RABGAP1: variants seen among roughly 807,000 people sequenced by gnomAD.
The protein encoded by RABGAP1 is RAB GTPase activating protein 1, also known as rab GTPase-activating protein 1.
Under a neutral mutation model 137.6 loss-of-function variants are expected in RABGAP1, and 23 were observed. The ratio of observed to expected loss-of-function variants is 0.17; its 90% CI spans 0.12 to 0.24. The LOEUF is 0.24. Among genes scored for constraint, RABGAP1 ranks in the 10% least tolerant of loss-of-function variants. The probability of loss-of-function intolerance (pLI) is 1.00; values close to 1 mark genes in which losing one functional copy is unlikely to be tolerated. For synonymous variants in RABGAP1, 451 were observed against 450.7 expected (o/e 1.00, Z -0.01); for missense variants, 906 against 1,275.8 (o/e 0.71, Z 4.42).
At chr9:122,936,901 A>G (rs1402639848), upstream of RABGAP1, among the ~76,000 whole-genome samples, 1 of 152,190 alleles carries the variant, frequency 6.6e-6, no homozygotes, top group Admixed American at 6.5e-5. Flanking sequence ...AGAAAACCTT[A>G]AGCTTTCACC....
chr9:122,952,924 A>G (rs1481866767), intron 1 of RABGAP1, among the ~76,000 whole-genome samples: 2 of 152,244 alleles, frequency 1.3e-5, no homozygotes, highest in Non-Finnish European at 2.9e-5. Context: ...TATCTGTTTT[A>G]CAGAATTGTT....
intron 2 of RABGAP1, among the ~76,000 whole-genome samples, chr9:122,959,411 T>C (rs1002505851): frequency 6.9e-6 from 1 of 145,044 alleles, no homozygotes; most frequent in African/African-American, 2.6e-5. Flanking sequence ...GAGTTTTGAA[T>C]GGGATCATGA....
intron 19 of RABGAP1, among the ~76,000 whole-genome samples, chr9:123,083,440 A>T (rs951791073): frequency 2.0e-5 from 3 of 152,082 alleles, no homozygotes; most frequent in Non-Finnish European, 4.4e-5. Flanking sequence ...TCTGTAATGA[A>T]CCCTAAATTT....
intron 2 of RABGAP1, among the ~76,000 whole-genome samples, chr9:122,960,688 T>C (rs1834806709): frequency 6.6e-6 from 1 of 152,210 alleles, no homozygotes; most frequent in South Asian, 2.1e-4. Flanking sequence ...ATACTGCCTG[T>C]GAGAGTGACT....
chr9:123,035,313 C>T lies in RABGAP1; in HGVS notation c.1794+14854C>T, dbSNP rs747481002. 5 of 1,614,064 alleles carry T rather than the reference C, an allele frequency of 3.1e-6. No individual in the cohort carries two copies. The South Asian group carries it at 4.4e-5, about 14-fold the overall frequency. ...AAGTGCAGGCCTGTCCTGATAAGCG[C>T]TATGCCATGGTCCTGTTTCGAATCA... On this transcript the variant is annotated intron_variant, in intron 13 of 25. Coordinates refer to ENST00000373647, the MANE Select transcript of RABGAP1 (RefSeq NM_012197.4).
At position 122,959,946 on chromosome 9, in the gene RABGAP1, G is replaced by C. The variant is rs116045684; in HGVS notation, c.150+2737G>C. ...CAGTGTGTCATTGTCTCTACTTCCA[G>C]CTCCAAAGCCATGTCTCAGAGATTT... On this transcript the variant is annotated intron_variant, in intron 2 of 25. Coordinates refer to ENST00000373647, the MANE Select transcript of RABGAP1 (RefSeq NM_012197.4). Among the ~76,000 whole-genome samples the C allele has an allele frequency of 9.6e-3, 1,455 of 152,276 alleles. 27 individuals carry two copies. Among genetic ancestry groups the C allele is most frequent in the African/African-American group, 0.033 (1,385 of 41,530 alleles).
At chr9:123,039,743 C>T (rs150206832) in intron 13 of RABGAP1, among the ~76,000 whole-genome samples, 3 of 152,130 alleles carry the variant, frequency 2.0e-5, no homozygotes, top group Admixed American at 6.5e-5. Flanking sequence ...GTAGTTGGAT[C>T]ACACCTTCTT....
intron 19 of RABGAP1, among the ~76,000 whole-genome samples, chr9:123,088,500 G>C (rs2034938287): frequency 6.6e-6 from 1 of 152,074 alleles, no homozygotes; most frequent in Non-Finnish European, 1.5e-5. Context: ...ACCCAGCCTG[G>C]GCAACATAGC....
intron 6 of RABGAP1, among the ~76,000 whole-genome samples, chr9:122,993,443 T>G (rs914010157): frequency 1.3e-5 from 2 of 152,128 alleles, no homozygotes; most frequent in African/African-American, 4.8e-5. Context: ...GGCTACTTTT[T>G]GTACTTTTAG....
chr9:122,966,852 C>T (rs1186696501), intron 2 of RABGAP1, among the ~76,000 whole-genome samples: 2 of 152,256 alleles, frequency 1.3e-5, no homozygotes, highest in East Asian at 3.9e-4. Context: ...TCATGTCTTA[C>T]ATGGATGGAA....
chr9:123,058,296 A>T (rs1426638357), intron 13 of RABGAP1, among the ~76,000 whole-genome samples: 1 of 152,172 alleles, frequency 6.6e-6, no homozygotes, highest in Non-Finnish European at 1.5e-5. Context: ...TGGCCAAATA[A>T]TATGAAAAGA....
At chr9:123,081,878 C>T (rs1189596817) in intron 19 of RABGAP1, among the ~76,000 whole-genome samples, 1 of 152,214 alleles carries the variant, frequency 6.6e-6, no homozygotes, top group East Asian at 1.9e-4. Context: ...GTCATACCAG[C>T]TGTATAGTGA....
At chr9:123,000,819 A>T (rs187128045) in intron 10 of RABGAP1, among the ~76,000 whole-genome samples, 155 of 150,664 alleles carry the variant, frequency 1.0e-3, no homozygotes, top group African/African-American at 3.6e-3. Context: ...CTGGCCTAGC[A>T]GTAGCCTCTT....
In RABGAP1 at chr9:122,988,034, A is replaced by G. The variant is rs985352414; in HGVS notation, c.591-1263A>G. ...GTAATTTTTCCCCTTAAGTATTTAAATAACTATTTTGCAAAGACTCACAAA... is the reference window on the plus strand; with the variant it reads ...GTAATTTTTCCCCTTAAGTATTTAAGTAACTATTTTGCAAAGACTCACAAA... On this transcript the variant is annotated intron_variant, in intron 4 of 25. Transcript: ENST00000373647. Among the ~76,000 whole-genome samples the G allele has an allele frequency of 5.5e-4, 83 of 152,220 alleles. 1 individual carries two copies. The highest frequency in any genetic ancestry group is 5.2e-3 in the Admixed American group (80 of 15,284).
intron 10 of RABGAP1, among the ~76,000 whole-genome samples, chr9:123,002,947 A>G (rs1837407560): frequency 6.6e-6 from 1 of 152,156 alleles, no homozygotes; most frequent in Non-Finnish European, 1.5e-5. Flanking sequence ...AGAGCAGGAA[A>G]TTCCCGATGA....
At chr9:122,941,345 TC>T (rs1833553207) in intron 1 of RABGAP1, among the ~76,000 whole-genome samples, 1 of 152,154 alleles carries the variant, frequency 6.6e-6, no homozygotes, top group Non-Finnish European at 1.5e-5. Context: ...CCAAACCGGT[TC>T]CCCCTGTCTG....
In RABGAP1 at chr9:122,989,408, T is replaced by C; in HGVS notation, c.702T>C (p.Thr234=). 6.2e-7 allele frequency: 1 copy of C among 1,614,098 alleles called. No individual in the cohort carries two copies. Among genetic ancestry groups the C allele is most frequent in the Non-Finnish European group, 8.5e-7 (1 of 1,180,010 alleles). Residue 234 remains threonine, a synonymous_variant, in exon 5 of 26, where the codon ACT becomes ACC. Transcript: ENST00000373647. The part of the protein sequence containing the change: ...GTPESDCFAF[T]ESHYNAELFR... ...CTGAGAGTGACTGTTTTGCTTTCAC[T>C]GAAAGTCATTACAATGCAGAGCTCT...
chr9:123,076,619 T>A lies in RABGAP1; in HGVS notation c.2296-15T>A. The A allele has an allele frequency of 6.3e-7, 1 of 1,583,700 alleles. No individual in the cohort carries two copies. The highest frequency in any genetic ancestry group is 1.9e-5 in the Admixed American group (1 of 52,216). The stretch of plus-strand genomic sequence containing the variant: ...GCAACACATTTTTTCTATATGTGTT[T>A]GTATTTTCTTCAAGACTTCGAAAGA... On this transcript the variant is annotated splice_polypyrimidine_tract_variant and intron_variant, in intron 18 of 25. Coordinates refer to ENST00000373647, the MANE Select transcript of RABGAP1 (RefSeq NM_012197.4).
chr9:122,995,295 A>G (rs1225480249), intron 6 of RABGAP1, among the ~76,000 whole-genome samples: 2 of 152,202 alleles, frequency 1.3e-5, no homozygotes, highest in Admixed American at 1.3e-4. Flanking sequence ...CTTTTTAAAG[A>G]TACCTTGCTT....
Sources: gnomAD v4.1 joint callset for allele counts (sites outside exome capture counted in the v4.1 genomes callset) on GRCh38, gnomAD v4.1.1 for gene constraint, MANE v1.5 for transcripts, NCBI Gene and HGNC (gene_info 2026-07-23, HGNC 2026-07-21) for gene names.